The following PCDH9 variants were observed in gnomAD, a reference collection of about 807,000 sequenced individuals.
PCDH9 encodes protocadherin 9.
PCDH9 carries 24 observed loss-of-function variants against 70.6 expected under a neutral mutation model. The ratio of observed to expected loss-of-function variants is 0.34; its 90% CI spans 0.25 to 0.48. PCDH9 has a LOEUF of 0.48. Ranked by LOEUF, PCDH9 falls within the 20% of genes least tolerant of loss-of-function variation. PCDH9 has a pLI of 0.99. For synonymous variants in PCDH9, 562 were observed against 558.5 expected (o/e 1.01, Z -0.09); for missense variants, 1,281 against 1,503.6 (o/e 0.85, Z 2.45).
chr13:66,626,137 T>C (rs1392961770), intron 4 of PCDH9, among the ~76,000 whole-genome samples: 2 of 151,676 alleles, frequency 1.3e-5, no homozygotes, highest in African/African-American at 4.8e-5. Flanking sequence ...ATCAAGAAAA[T>C]CATTGGGAGT....
chr13:66,311,632 A>C (rs1955563890), intron 4 of PCDH9, among the ~76,000 whole-genome samples: 1 of 152,136 alleles, frequency 6.6e-6, no homozygotes, highest in Admixed American at 6.6e-5. Flanking sequence ...AATTAATTTC[A>C]AATATGAAAG....
chr13:66,310,797 C>G (rs776128844), intron 4 of PCDH9, among the ~76,000 whole-genome samples: 6 of 151,982 alleles, frequency 3.9e-5, no homozygotes, highest in Non-Finnish European at 8.8e-5. Context: ...CATCACATCT[C>G]ACTCCATTTT....
chr13:66,943,764 C>A (rs746333240), intron 2 of PCDH9, among the ~76,000 whole-genome samples: 3 of 151,934 alleles, frequency 2.0e-5, no homozygotes, highest in Non-Finnish European at 4.4e-5. Flanking sequence ...GAGAAAACTT[C>A]AAGCAATTCA....
intron 3 of PCDH9, among the ~76,000 whole-genome samples, chr13:66,675,620 A>G (rs1216211104): frequency 6.6e-6 from 1 of 152,172 alleles, no homozygotes; most frequent in African/African-American, 2.4e-5. Context: ...GCTTAACCAA[A>G]TTGAGCTTCA....
intron 2 of PCDH9, among the ~76,000 whole-genome samples, chr13:67,034,718 T>G (rs367828717): frequency 3.3e-5 from 5 of 152,176 alleles, no homozygotes; most frequent in South Asian, 4.1e-4. Flanking sequence ...ATGTACAGGT[T>G]TGTTCTTTAA....
At chr13:66,341,872 G>C (rs891862196) in intron 4 of PCDH9, among the ~76,000 whole-genome samples, 2 of 152,154 alleles carry the variant, frequency 1.3e-5, no homozygotes, top group Non-Finnish European at 2.9e-5. Context: ...ATGTAAATAT[G>C]CACACTTGAA....
In PCDH9 at chr13:66,713,625, G is replaced by GTATATATA. The variant is rs67681559; in HGVS notation, c.3139-82222_3139-82215dup. Among the ~76,000 whole-genome samples, 180 of 109,982 alleles carry GTATATATA rather than the reference G, an allele frequency of 1.6e-3. 2 individuals carry two copies. The highest frequency in any genetic ancestry group is 5.5e-3 in the Middle Eastern group (1 of 182). The allele number at this position is 109,982 out of a possible 152,430, so 72.2% of individuals were successfully genotyped here. ...ATATATATATAAAGTGTGTGTGTGT[G>GTATATATA]TATATATATATATATATATATATAT... On this transcript the variant is annotated intron_variant, in intron 3 of 4. Transcript: ENST00000377865.
At chr13:66,547,765 G>A (rs1961271272) in intron 4 of PCDH9, among the ~76,000 whole-genome samples, 1 of 151,436 alleles carries the variant, frequency 6.6e-6, no homozygotes, top group African/African-American at 2.4e-5. Context: ...GAGCAAGACT[G>A]TGAGGCCCAT....
chr13:66,737,850 C>A, intron 3 of PCDH9, among the ~76,000 whole-genome samples: 1 of 152,140 alleles, frequency 6.6e-6, no homozygotes, highest in Non-Finnish European at 1.5e-5. Context: ...GTCCTACGCC[C>A]ATGGAATCTC....
intron 2 of PCDH9, among the ~76,000 whole-genome samples, chr13:67,012,785 T>C (rs1440730811): frequency 1.3e-5 from 2 of 151,998 alleles, no homozygotes; most frequent in Non-Finnish European, 2.9e-5. Flanking sequence ...TCCTTTTTTA[T>C]GTAAAACGAT....
chr13:66,721,610 A>G (rs1413393405), intron 3 of PCDH9, among the ~76,000 whole-genome samples: 1 of 152,114 alleles, frequency 6.6e-6, no homozygotes, highest in Non-Finnish European at 1.5e-5. Flanking sequence ...TCATATAAAA[A>G]CACCTGGAAT....
chr13:66,412,106 T>G (rs1183513642), intron 4 of PCDH9, among the ~76,000 whole-genome samples: 1 of 152,172 alleles, frequency 6.6e-6, no homozygotes, highest in Non-Finnish European at 1.5e-5. Context: ...AAAGCAGATA[T>G]TAATGTTTGG....
chr13:66,795,438 C>T (rs1259235007), intron 3 of PCDH9, among the ~76,000 whole-genome samples: 2 of 152,054 alleles, frequency 1.3e-5, no homozygotes, highest in African/African-American at 4.8e-5. Flanking sequence ...TACTGCCTAA[C>T]AAATAATTTA....
chr13:66,639,296 G>A (rs1457733343), intron 3 of PCDH9, among the ~76,000 whole-genome samples: 1 of 152,156 alleles, frequency 6.6e-6, no homozygotes, highest in Admixed American at 6.5e-5. Flanking sequence ...TTATGTGTGT[G>A]GAAAACTCAC....
chr13:66,818,341 T>C (rs1338951429), intron 3 of PCDH9, among the ~76,000 whole-genome samples: 1 of 152,232 alleles, frequency 6.6e-6, no homozygotes, highest in Non-Finnish European at 1.5e-5. Context: ...TTATTCTGTT[T>C]ATTTTTTCAA....
At chr13:66,894,813 A>AC (rs2082150113) in intron 3 of PCDH9, among the ~76,000 whole-genome samples, 1 of 146,614 alleles carries the variant, frequency 6.8e-6, no homozygotes, top group Admixed American at 6.9e-5. Context: ...AATATTAAGT[A>AC]TTTTTTTTTT....
chr13:67,010,742 C>G (rs1415403833), intron 2 of PCDH9, among the ~76,000 whole-genome samples: 1 of 151,950 alleles, frequency 6.6e-6, no homozygotes, highest in Non-Finnish European at 1.5e-5. Context: ...GACATATTTA[C>G]ATTACAACTG....
intron 2 of PCDH9, among the ~76,000 whole-genome samples, chr13:66,930,024 T>C (rs2082781520): frequency 6.6e-6 from 1 of 152,166 alleles, no homozygotes; most frequent in Admixed American, 6.5e-5. Flanking sequence ...TGATTATCTA[T>C]ATTAATAAGA....
chr13:66,583,538 G>C (rs74493876), intron 4 of PCDH9, among the ~76,000 whole-genome samples: 3 of 151,820 alleles, frequency 2.0e-5, no homozygotes, highest in African/African-American at 4.8e-5. Context: ...CTTGAATTCC[G>C]GCGGGGCGGA....
Sources: gnomAD v4.1 joint callset for allele counts (sites outside exome capture counted in the v4.1 genomes callset) on GRCh38, gnomAD v4.1.1 for gene constraint, MANE v1.5 for transcripts, NCBI Gene and HGNC (gene_info 2026-07-23, HGNC 2026-07-21) for gene names.